Variants in VWA8 observed in about 807,000 individuals in gnomAD.
The protein encoded by VWA8 is von Willebrand factor A domain containing 8, also known as von Willebrand factor A domain-containing protein 8.
Under a neutral mutation model 241.5 loss-of-function variants are expected in VWA8, and 221 were observed. The observed-to-expected ratio is 0.91, with a 90% CI of 0.82 to 1.02. The LOEUF (loss-of-function observed/expected upper bound fraction) is 1.02. Among genes scored for constraint, VWA8 ranks in the 50% least tolerant of loss-of-function variants. The pLI, the probability that VWA8 is intolerant of heterozygous loss-of-function variation, is 0.00. For synonymous variants in VWA8, 852 were observed against 827.1 expected, an observed-to-expected ratio of 1.03 and a Z score of -0.52; for missense variants, 2,322 against 2,328.7, an observed-to-expected ratio of 1.00 and a Z score of 0.06.
intron 20 of VWA8, among the ~76,000 whole-genome samples, chr13:41,762,562 T>C (rs967371472): frequency 1.3e-5 from 2 of 152,134 alleles, no homozygotes; most frequent in African/African-American, 4.8e-5. Flanking sequence ...CCTTAAGTTA[T>C]CTCCTTTCTC....
intron 20 of VWA8, among the ~76,000 whole-genome samples, chr13:41,765,366 T>C (rs1262473849): frequency 2.0e-5 from 3 of 152,184 alleles, no homozygotes; most frequent in Non-Finnish European, 4.4e-5. Context: ...TACAAGACTA[T>C]CCTCAATTTG....
chr13:41,576,266 G>C (rs944774670), intron 42 of VWA8, among the ~76,000 whole-genome samples: 1 of 152,240 alleles, frequency 6.6e-6, no homozygotes, highest in African/African-American at 2.4e-5. Context: ...GAATCTAAGA[G>C]AGTGCCTAGC....
chr13:41,638,113 G>T (rs942174748), intron 37 of VWA8, among the ~76,000 whole-genome samples: 2 of 152,076 alleles, frequency 1.3e-5, no homozygotes, highest in Non-Finnish European at 2.9e-5. Context: ...TAATCTCTTT[G>T]GATTTCAGTT....
chr13:41,923,186 C>T (rs958345586), intron 2 of VWA8, among the ~76,000 whole-genome samples: 1 of 151,950 alleles, frequency 6.6e-6, no homozygotes, highest in Non-Finnish European at 1.5e-5. Context: ...ACCACAAGGA[C>T]AGAAAAACAA....
intron 28 of VWA8, 29 bp downstream of exon 28, chr13:41,701,363 G>T: frequency 6.6e-7 from 1 of 1,525,654 alleles, no homozygotes. Flanking sequence ...TGTGCAGGAA[G>T]GAAAGATCAA....
rs141496737 is a variant in VWA8, at chr13:41,581,744, T to G, written c.5271+5768A>C. The stretch of plus-strand genomic sequence containing the variant: ...TTCTGAATAATGAAATAAATCTCTT[T>G]TCTGGTCCCACTATTTGAGTGCTTA... On this transcript the variant is annotated intron_variant, in intron 42 of 44. Transcript: ENST00000379310. Among the ~76,000 whole-genome samples, 120 of 152,302 alleles carry G rather than the reference T, an allele frequency of 7.9e-4. 1 individual carries two copies. The highest frequency in any genetic ancestry group is 6.8e-3 in the Middle Eastern group (2 of 294).
At chr13:41,920,908 A>C (rs1876494822) in intron 2 of VWA8, among the ~76,000 whole-genome samples, 1 of 152,232 alleles carries the variant, frequency 6.6e-6, no homozygotes, top group Non-Finnish European at 1.5e-5. Flanking sequence ...CAATAGAAAA[A>C]GAGGGAATCC....
intron 18 of VWA8, among the ~76,000 whole-genome samples, chr13:41,786,709 C>G (rs1027687305): frequency 6.6e-6 from 1 of 152,200 alleles, no homozygotes; most frequent in Non-Finnish European, 1.5e-5. Flanking sequence ...AAATTCTTGT[C>G]TCAGTGCAGC....
At chr13:41,808,479 C>T (rs928779832) in intron 17 of VWA8, among the ~76,000 whole-genome samples, 3 of 152,068 alleles carry the variant, frequency 2.0e-5, no homozygotes, top group Non-Finnish European at 4.4e-5. Context: ...GGAGGTACCA[C>T]AAACTTTTAA....
chr13:41,778,832 C>CTCT (rs1566453794), intron 19 of VWA8, among the ~76,000 whole-genome samples: 1 of 82,648 alleles, frequency 1.2e-5, no homozygotes, highest in Non-Finnish European at 2.3e-5. Flanking sequence ...CAGTACGTCA[C>CTCT]TTTTTTTTTT....
intron 9 of VWA8, among the ~76,000 whole-genome samples, chr13:41,871,549 T>C (rs981186837): frequency 2.0e-5 from 3 of 152,142 alleles, no homozygotes; most frequent in African/African-American, 4.8e-5. Flanking sequence ...AGTGAGAATA[T>C]GCGGTGTTTG....
intron 9 of VWA8, among the ~76,000 whole-genome samples, chr13:41,877,247 A>T (rs1339341277): frequency 6.6e-6 from 1 of 152,012 alleles, no homozygotes; most frequent in East Asian, 1.9e-4. Context: ...ACTTTCTCTC[A>T]TATCTCCCTT....
chr13:41,655,640 T>C (rs554742393), intron 37 of VWA8, among the ~76,000 whole-genome samples: 2 of 152,334 alleles, frequency 1.3e-5, no homozygotes, highest in Non-Finnish European at 2.9e-5. Flanking sequence ...TTTTTCCTAT[T>C]ATTTTTATCA....
chr13:41,806,822 G>A (rs980808862), intron 17 of VWA8, among the ~76,000 whole-genome samples: 4 of 151,626 alleles, frequency 2.6e-5, no homozygotes, highest in African/African-American at 9.7e-5. Flanking sequence ...AGATTGCAGT[G>A]AGCTGAGGTC....
Position 41,675,226 on chromosome 13 carries a change from GA to G in VWA8, c.4397del (p.Ile1466ThrfsTer63). On this transcript the variant is annotated frameshift_variant, in exon 36 of 45. Coordinates refer to ENST00000379310, the MANE Select transcript of VWA8 (RefSeq NM_015058.2). LOFTEE classifies it high-confidence loss of function. The stretch of plus-strand genomic sequence containing the variant: ...GTGAAATGGATTACCTGGGAATAGG[GA>G]TATATCGGAGTTTCTTTGATTGAAG... ...TDLQSKKLRYIPIPRSESLSP... is the reference protein window; with the variant it reads ...TDLQSKKLRYXPIPRSESLSP... 6.2e-7 allele frequency: 1 copy of G among 1,610,782 alleles called. No homozygotes were observed. The highest frequency in any genetic ancestry group is 8.5e-7 in the Non-Finnish European group (1 of 1,177,444).
At chr13:41,769,096 A>G (rs1238411846) in intron 20 of VWA8, among the ~76,000 whole-genome samples, 1 of 152,128 alleles carries the variant, frequency 6.6e-6, no homozygotes. Context: ...CCGTAGAGAC[A>G]GTATTTTACT....
At chr13:41,713,616 C>T (rs548427301) in intron 26 of VWA8, among the ~76,000 whole-genome samples, 19 of 152,128 alleles carry the variant, frequency 1.2e-4, no homozygotes, top group Non-Finnish European at 2.6e-4. Context: ...AGTACAGTCT[C>T]ATATCACAGT....
intron 1 of VWA8, among the ~76,000 whole-genome samples, chr13:41,959,700 C>A (rs996526379): frequency 6.7e-6 from 1 of 149,092 alleles, no homozygotes; most frequent in Admixed American, 6.8e-5. Flanking sequence ...CTCCCGGGTT[C>A]ACGCCATTCT....
At chr13:41,664,644 C>G (rs538163615) in intron 37 of VWA8, among the ~76,000 whole-genome samples, 1 of 152,146 alleles carries the variant, frequency 6.6e-6, no homozygotes, top group South Asian at 2.1e-4. Context: ...CTGGATGTCT[C>G]AACGGCCTGG....
Sources: gnomAD v4.1 joint callset for allele counts (sites outside exome capture counted in the v4.1 genomes callset) on GRCh38, gnomAD v4.1.1 for gene constraint, MANE v1.5 for transcripts, NCBI Gene and HGNC (gene_info 2026-07-23, HGNC 2026-07-21) for gene names.